The following ATP8B4 variants were observed in gnomAD, a reference collection of about 807,000 sequenced individuals.
ATP8B4 encodes the protein ATPase phospholipid transporting 8B4 (putative), also known as probable phospholipid-transporting ATPase IM.
ATP8B4 carries 133 observed loss-of-function variants against 145.6 expected under a neutral mutation model. The observed-to-expected ratio is 0.91, with a 90% CI of 0.79 to 1.05. The LOEUF (loss-of-function observed/expected upper bound fraction) is 1.05, where lower values mean the gene tolerates loss of function less well. Ranked by LOEUF, ATP8B4 falls within the 50% of genes least tolerant of loss-of-function variation. ATP8B4 has a pLI of 0.00. For synonymous variants in ATP8B4, 507 were observed against 492.9 expected, an observed-to-expected ratio of 1.03 and a Z score of -0.38; for missense variants, 1,458 against 1,425.2, an observed-to-expected ratio of 1.02 and a Z score of -0.37.
In ATP8B4 at chr15:49,900,996, T is replaced by C. The variant is rs2037962888; in HGVS notation, c.2289+96A>G. The C allele has an allele frequency of 2.1e-6, 3 of 1,448,912 alleles. No individual in the cohort carries two copies. The African/African-American group carries it at 4.3e-5, about 21-fold the overall frequency. The allele number at this position is 1,448,912 out of a possible 1,614,324, so 89.8% of individuals were successfully genotyped here. ...GCCCTGTATCTAGTAGTGACATTTGTCTGGAAAAGACAAAGGAGGTCTCAT... is the reference window on the plus strand; with the variant it reads ...GCCCTGTATCTAGTAGTGACATTTGCCTGGAAAAGACAAAGGAGGTCTCAT... On this transcript the variant is annotated intron_variant, in intron 21 of 27. Coordinates refer to ENST00000284509, the MANE Select transcript of ATP8B4 (RefSeq NM_024837.4).
chr15:50,023,199 T>C (rs956080986), intron 6 of ATP8B4, among the ~76,000 whole-genome samples: 14 of 152,224 alleles, frequency 9.2e-5, no homozygotes, highest in Admixed American at 5.9e-4. Context: ...GTCTTATTTA[T>C]AGTCTGTAAA....
At chr15:49,914,423 A>G (rs1371047994) in intron 20 of ATP8B4, among the ~76,000 whole-genome samples, 1 of 152,154 alleles carries the variant, frequency 6.6e-6, no homozygotes, top group Non-Finnish European at 1.5e-5. Context: ...TCTCTAGGCA[A>G]TGATTTTACG....
intron 3 of ATP8B4, among the ~76,000 whole-genome samples, chr15:50,072,699 C>T (rs1373991104): frequency 6.6e-6 from 1 of 151,612 alleles, no homozygotes; most frequent in African/African-American, 2.4e-5. Context: ...GATCTTGGCT[C>T]ACTGCAACCT....
chr15:50,066,658 T>C (rs1357188099), intron 3 of ATP8B4, among the ~76,000 whole-genome samples: 1 of 152,150 alleles, frequency 6.6e-6, no homozygotes, highest in African/African-American at 2.4e-5. Context: ...AAAGCCAAAA[T>C]ATGTGAAAAG....
intron 2 of ATP8B4, among the ~76,000 whole-genome samples, chr15:50,090,213 G>A (rs992296192): frequency 1.3e-5 from 2 of 152,104 alleles, no homozygotes; most frequent in Non-Finnish European, 2.9e-5. Flanking sequence ...GGCCTGTGGG[G>A]TAGGGGAACA....
In ATP8B4 at chr15:49,996,759, C is replaced by T. The variant is rs866817883; in HGVS notation, c.507G>A (p.Gly169=). 6.2e-7 allele frequency: 1 copy of T among 1,607,212 alleles called. No homozygotes were observed. The highest frequency in any genetic ancestry group is 8.5e-7 in the Non-Finnish European group (1 of 1,175,072). The change falls in exon 9 of 28, where the codon GGG becomes GGA. Residue 169 remains glycine, a splice_region_variant and synonymous_variant. Transcript: ENST00000284509. ...LCYVETAELD[G]ETNLKVRHAL... Reference sequence around the variant, plus strand: ...CATGGCGGACTTTTAGGTTCGTTTCCCTGTGAAATTATTGACATGACATGA... The same window carrying T: ...CATGGCGGACTTTTAGGTTCGTTTCTCTGTGAAATTATTGACATGACATGA...
At chr15:49,968,336 A>G (rs1174215647) in intron 13 of ATP8B4, among the ~76,000 whole-genome samples, 1 of 152,236 alleles carries the variant, frequency 6.6e-6, no homozygotes, top group African/African-American at 2.4e-5. Context: ...GGCAAACTGC[A>G]TAAAGAGTCA....
Position 50,165,707 on chromosome 15 carries a change from A to G in ATP8B4, c.-43+16554T>C, listed in dbSNP as rs549605495. On this transcript the variant is annotated intron_variant, in intron 1 of 3. Transcript: ENST00000558829. ...AATGAAGAATTACTTAGAGTTAGTT[A>G]TCAAAGCTGAGGTGGAAATCTCAGT... Among the ~76,000 whole-genome samples, 126 of 152,314 alleles carry G rather than the reference A, an allele frequency of 8.3e-4. 2 individuals are homozygous for G. Among genetic ancestry groups the G allele is most frequent in the Non-Finnish European group, 4.0e-4 (27 of 68,034 alleles).
intron 6 of ATP8B4, among the ~76,000 whole-genome samples, chr15:50,023,779 CAAAAAAAAA>C (rs60030651): frequency 1.3e-5 from 1 of 75,056 alleles, no homozygotes; most frequent in Non-Finnish European, 2.5e-5. Flanking sequence ...AGACCAAAGG[CAAAAAAAAA>C]AAAAAAAAGA....
At chr15:49,913,136 T>C (rs1187813210) in intron 20 of ATP8B4, among the ~76,000 whole-genome samples, 1 of 150,982 alleles carries the variant, frequency 6.6e-6, no homozygotes, top group Non-Finnish European at 1.5e-5. Context: ...TTTTTTTTTG[T>C]GTCTCAAAGA....
rs114774811 is a variant in ATP8B4 at position 49,913,150 on chromosome 15, A to G, written c.2141+3784T>C. Among the ~76,000 whole-genome samples, 452 of 151,552 alleles carry G rather than the reference A, an allele frequency of 3.0e-3. 2 individuals carry two copies. The highest frequency in any genetic ancestry group is 0.01 in the African/African-American group (417 of 41,072). The stretch of plus-strand genomic sequence containing the variant: ...TTTTTTTTTTGTGTCTCAAAGAAAA[A>G]AATTCCTACAACAGATCAAAAATAT... On this transcript the variant is annotated intron_variant, in intron 20 of 27. Coordinates refer to ENST00000284509, the MANE Select transcript of ATP8B4 (RefSeq NM_024837.4).
At chr15:49,877,514 C>T (rs2034643315) in intron 24 of ATP8B4, among the ~76,000 whole-genome samples, 1 of 152,122 alleles carries the variant, frequency 6.6e-6, no homozygotes, top group South Asian at 2.1e-4. Flanking sequence ...CATGGAAAAA[C>T]ACAGGCATAT....
intron 16 of ATP8B4, among the ~76,000 whole-genome samples, chr15:49,927,765 G>A (rs2040858691): frequency 6.6e-6 from 1 of 152,078 alleles, no homozygotes; most frequent in South Asian, 2.1e-4. Flanking sequence ...CTTCCCTGAG[G>A]CTGTAAATAG....
At chr15:49,867,247 G>A (rs2032954990) in intron 25 of ATP8B4, among the ~76,000 whole-genome samples, 1 of 152,182 alleles carries the variant, frequency 6.6e-6, no homozygotes, top group African/African-American at 2.4e-5. Flanking sequence ...CCACGTCCAA[G>A]TGAAGGTTTG....
intron 6 of ATP8B4, among the ~76,000 whole-genome samples, chr15:50,011,188 C>A (rs2048699544): frequency 6.6e-6 from 1 of 152,124 alleles, no homozygotes; most frequent in Non-Finnish European, 1.5e-5. Flanking sequence ...CCTATGGTGC[C>A]AGCTTTATGC....
intron 2 of ATP8B4, among the ~76,000 whole-genome samples, chr15:50,091,405 A>AT (rs1417208369): frequency 9.2e-5 from 14 of 152,156 alleles, no homozygotes; most frequent in Admixed American, 5.9e-4. Flanking sequence ...ATGGATGAAA[A>AT]TTTTTACTTA....
chr15:49,950,611 C>CAAAAAAAAAAAAAAAAAAA (rs1316878072), intron 14 of ATP8B4, among the ~76,000 whole-genome samples: 1 of 107,198 alleles, frequency 9.3e-6, no homozygotes, highest in Non-Finnish European at 1.7e-5. Flanking sequence ...AACAAACAAA[C>CAAAAAAAAAAAAAAAAAAA]AAACAAACAA....
chr15:49,888,374 TAA>T (rs1045370479), intron 23 of ATP8B4, among the ~76,000 whole-genome samples: 6 of 152,118 alleles, frequency 3.9e-5, no homozygotes, highest in African/African-American at 1.4e-4. Context: ...TTGACAGAAC[TAA>T]AGTTTTTCCA....
At chr15:49,922,576 A>G (rs1348169980) in intron 17 of ATP8B4, among the ~76,000 whole-genome samples, 1 of 152,214 alleles carries the variant, frequency 6.6e-6, no homozygotes, top group East Asian at 1.9e-4. Flanking sequence ...TGCATTAAAT[A>G]TAGGGTCTGA....
Sources: gnomAD v4.1 joint callset for allele counts (sites outside exome capture counted in the v4.1 genomes callset) on GRCh38, gnomAD v4.1.1 for gene constraint, MANE v1.5 for transcripts, NCBI Gene and HGNC (gene_info 2026-07-23, HGNC 2026-07-21) for gene names.